The following GRIA4 variants were observed in gnomAD, a reference collection of about 807,000 sequenced individuals.
The protein encoded by GRIA4 is glutamate receptor 4.
GRIA4 carries 34 observed loss-of-function variants against 104.0 expected under a neutral mutation model. The ratio of observed to expected loss-of-function variants is 0.33; its 90% CI spans 0.25 to 0.44. The LOEUF (loss-of-function observed/expected upper bound fraction) is 0.44. Ranked by LOEUF, GRIA4 falls within the 20% of genes least tolerant of loss-of-function variation. The pLI, the probability that GRIA4 is intolerant of heterozygous loss-of-function variation, is 1.00. For synonymous variants in GRIA4, 386 were observed against 381.9 expected, an observed-to-expected ratio of 1.01 and a Z score of -0.13; for missense variants, 750 against 1,096.5, an observed-to-expected ratio of 0.68 and a Z score of 4.46.
chr11:105,746,143 G>C (rs1023745160), intron 3 of GRIA4, among the ~76,000 whole-genome samples: 1 of 151,716 alleles, frequency 6.6e-6, no homozygotes, highest in African/African-American at 2.4e-5. Flanking sequence ...TGTGTGTATT[G>C]TAGGTAGGAA....
At chr11:105,803,859 AAAAGAG>A (rs1257590193) in intron 4 of GRIA4, among the ~76,000 whole-genome samples, 3 of 150,762 alleles carry the variant, frequency 2.0e-5, no homozygotes, top group Non-Finnish European at 4.4e-5. Flanking sequence ...AAAAAAAAAA[AAAAGAG>A]AGAGAGAGAG....
chr11:105,817,702 T>C (rs868310981), intron 4 of GRIA4, among the ~76,000 whole-genome samples: 1 of 152,140 alleles, frequency 6.6e-6, no homozygotes, highest in South Asian at 2.1e-4. Flanking sequence ...TTTGAATACA[T>C]TACAGAATAT....
chr11:105,877,595 CT>C (rs1945879559), intron 5 of GRIA4, among the ~76,000 whole-genome samples: 1 of 152,118 alleles, frequency 6.6e-6, no homozygotes. Context: ...TTCTTGGACG[CT>C]TTTTCATTAG....
intron 10 of GRIA4, among the ~76,000 whole-genome samples, chr11:105,915,371 G>A (rs145910156): frequency 6.6e-6 from 1 of 152,070 alleles, no homozygotes; most frequent in Non-Finnish European, 1.5e-5. Flanking sequence ...ATGACCTGAT[G>A]GACCCCTGCT....
intron 4 of GRIA4, among the ~76,000 whole-genome samples, chr11:105,843,304 T>A (rs1045037577): frequency 6.6e-6 from 1 of 151,646 alleles, no homozygotes; most frequent in Non-Finnish European, 1.5e-5. Flanking sequence ...GGTCACTTGA[T>A]CTTCAAATCT....
intron 4 of GRIA4, among the ~76,000 whole-genome samples, chr11:105,825,951 G>A (rs1943755565): frequency 6.6e-6 from 1 of 151,932 alleles, no homozygotes; most frequent in African/African-American, 2.4e-5. Flanking sequence ...CCTTTCCATG[G>A]TGAATTCCAT....
At chr11:105,794,484 T>C (rs1236342902) in intron 4 of GRIA4, among the ~76,000 whole-genome samples, 1 of 105,196 alleles carries the variant, frequency 9.5e-6, no homozygotes, top group Non-Finnish European at 1.9e-5. Context: ...TATATATATA[T>C]ATATATATAT....
At chr11:105,689,107 G>A (rs1356018232) in intron 3 of GRIA4, among the ~76,000 whole-genome samples, 1 of 152,144 alleles carries the variant, frequency 6.6e-6, no homozygotes, top group Non-Finnish European at 1.5e-5. Flanking sequence ...ATGATTATAT[G>A]ATATTAAGCC....
chr11:105,650,871 G>A (rs1036538047), intron 3 of GRIA4, among the ~76,000 whole-genome samples: 2 of 152,102 alleles, frequency 1.3e-5, no homozygotes, highest in Non-Finnish European at 2.9e-5. Context: ...TAGACAACAC[G>A]TGAATAATAA....
chr11:105,928,832 A>G (rs547201769), intron 13 of GRIA4, among the ~76,000 whole-genome samples: 3 of 152,210 alleles, frequency 2.0e-5, no homozygotes, highest in Non-Finnish European at 4.4e-5. Context: ...TTATAAAGTT[A>G]CAAATGCTTA....
intron 4 of GRIA4, among the ~76,000 whole-genome samples, chr11:105,815,541 C>A (rs776933042): frequency 3.9e-5 from 6 of 152,104 alleles, no homozygotes; most frequent in Non-Finnish European, 7.4e-5. Flanking sequence ...GTTCTGAGAG[C>A]TTTCTGAGTC....
chr11:105,943,035 C>G (rs909661109), intron 14 of GRIA4, among the ~76,000 whole-genome samples: 4 of 152,074 alleles, frequency 2.6e-5, no homozygotes, highest in African/African-American at 9.7e-5. Flanking sequence ...ACCCTAGGCT[C>G]TCTTTAGGAA....
At chr11:105,911,123 T>A (rs1029767229) in intron 10 of GRIA4, among the ~76,000 whole-genome samples, 1 of 152,074 alleles carries the variant, frequency 6.6e-6, no homozygotes, top group Non-Finnish European at 1.5e-5. Context: ...GAAAAGGGTT[T>A]TCTTCCACCG....
rs1438220164 is a variant in GRIA4 at position 105,894,318 on chromosome 11, T to C, written c.727-3951T>C. On this transcript the variant is annotated intron_variant, in intron 6 of 16. Transcript: ENST00000282499. ...GTTTGTATGGCTGGAATCTTAGCTC[T>C]ACCATACATTTGCTGGATGGCTTTG... 2.6e-5 allele frequency among the ~76,000 whole-genome samples: 4 copies of C among 152,176 alleles called. No homozygotes were observed. The East Asian group carries it at 7.7e-4, about 29-fold the overall frequency.
chr11:105,894,335 A>G (rs1396071503), intron 6 of GRIA4, among the ~76,000 whole-genome samples: 2 of 152,080 alleles, frequency 1.3e-5, no homozygotes, highest in Non-Finnish European at 2.9e-5. Flanking sequence ...CATTTGCTGG[A>G]TGGCTTTGAA....
At chr11:105,726,448 G>A (rs1365104577) in intron 3 of GRIA4, among the ~76,000 whole-genome samples, 1 of 152,052 alleles carries the variant, frequency 6.6e-6, no homozygotes, top group African/African-American at 2.4e-5. Context: ...TGGGGGGAGG[G>A]GCAGCTGTGG....
At chr11:105,951,738 G>A (rs994329673) in intron 14 of GRIA4, among the ~76,000 whole-genome samples, 2 of 152,002 alleles carry the variant, frequency 1.3e-5, no homozygotes, top group African/African-American at 2.4e-5. Context: ...CAGGTGGATC[G>A]CTTCAGCCCA....
chr11:105,934,992 T>C (rs1565352216), intron 14 of GRIA4, among the ~76,000 whole-genome samples: 3 of 152,254 alleles, frequency 2.0e-5, no homozygotes, highest in Admixed American at 1.3e-4. Context: ...TGGTAAGCCA[T>C]TGAAAAGTGA....
At chr11:105,756,066 T>C (rs539073945) in intron 4 of GRIA4, among the ~76,000 whole-genome samples, 1 of 152,318 alleles carries the variant, frequency 6.6e-6, no homozygotes, top group East Asian at 1.9e-4. Flanking sequence ...TCTCTCTTTA[T>C]GTATCTGTAT....
Sources: allele counts gnomAD v4.1 joint callset (sites outside exome capture counted in the v4.1 genomes callset), GRCh38; gene constraint gnomAD v4.1.1; transcripts MANE v1.5; gene names NCBI Gene and HGNC (gene_info 2026-07-23, HGNC 2026-07-21).